The following HMCN1 variants were observed in gnomAD, a reference collection of about 807,000 sequenced individuals.
The protein encoded by HMCN1 is hemicentin-1.
HMCN1 carries 321 observed loss-of-function variants against 625.9 expected under a neutral mutation model. The ratio of observed to expected loss-of-function variants is 0.51; its 90% confidence interval spans 0.47 to 0.56. The LOEUF is 0.56. Ranked by LOEUF, HMCN1 falls within the 20% of genes least tolerant of loss-of-function variation. The probability of loss-of-function intolerance (pLI) is 0.00; values close to 1 mark genes in which losing one functional copy is unlikely to be tolerated. For synonymous variants in HMCN1, 2,425 were observed against 2,417.6 expected, an observed-to-expected ratio of 1.00 and a Z score of -0.09; for missense variants, 6,588 against 6,887.3, an observed-to-expected ratio of 0.96 and a Z score of 1.54.
At chr1:185,806,287 C>T (rs1571379791) in intron 1 of HMCN1, among the ~76,000 whole-genome samples, 1 of 152,008 alleles carries the variant, frequency 6.6e-6, no homozygotes, top group African/African-American at 2.4e-5. Context: ...GACTCTGGAG[C>T]CCACATTCTT....
Position 186,081,425 on chromosome 1 carries a change from G to C in HMCN1, c.8787+31G>C, listed in dbSNP as rs773404357. On this transcript the variant is annotated intron_variant, in intron 56 of 106. Coordinates refer to ENST00000271588, the MANE Select transcript of HMCN1 (RefSeq NM_031935.3). ...AGTAAAGAAAGATCTAATTTTAAAA[G>C]AGCTATTTGACTTTGCACTTTGTAA... 4 of 1,509,964 alleles carry C rather than the reference G, an allele frequency of 2.6e-6. No individual in the cohort carries two copies. The South Asian group carries it at 4.5e-5, about 17-fold the overall frequency. The allele number at this position is 1,509,964 out of a possible 1,614,324, so 93.5% of individuals were successfully genotyped here. A position where few individuals can be genotyped will look rare whatever the true frequency, so the allele number is the denominator to read the frequency against.
At chr1:185,830,033 C>T (rs770303762) in intron 1 of HMCN1, among the ~76,000 whole-genome samples, 1 of 152,134 alleles carries the variant, frequency 6.6e-6, no homozygotes, top group Non-Finnish European at 1.5e-5. Context: ...TTTTTGGCTG[C>T]ATAAATGTCT....
intron 11 of HMCN1, among the ~76,000 whole-genome samples, chr1:185,948,641 T>G (rs1453178394): frequency 2.3e-4 from 33 of 146,504 alleles, no homozygotes; most frequent in African/African-American, 7.9e-4. Context: ...CACTTCTTTT[T>G]TGATTCTTCA....
At chr1:185,831,383 A>G (rs1558002030) in intron 1 of HMCN1, among the ~76,000 whole-genome samples, 1 of 152,192 alleles carries the variant, frequency 6.6e-6, no homozygotes, top group Admixed American at 6.5e-5. Flanking sequence ...CAGGGAATAG[A>G]TATATATTTT....
chr1:185,990,456 G>T lies in HMCN1; in HGVS notation c.3377+13G>T. The T allele has an allele frequency of 6.2e-7, 1 of 1,612,760 alleles. No homozygotes were observed. The highest frequency in any genetic ancestry group is 8.5e-7 in the Non-Finnish European group (1 of 1,178,902). ...CGTTCTCTCCAAGGTAGGAGATCTG[G>T]GATGAATTGCAACACATGAAAACAT... is the stretch of plus-strand genomic sequence containing the variant. On this transcript the variant is annotated intron_variant, in intron 22 of 106. Coordinates refer to ENST00000271588, the MANE Select transcript of HMCN1 (RefSeq NM_031935.3).
chr1:186,063,475 AAGGAAGGAAG>A (rs1287940553), intron 48 of HMCN1, among the ~76,000 whole-genome samples: 1 of 139,722 alleles, frequency 7.2e-6, no homozygotes. Context: ...GGAAGGAAGG[AAGGAAGGAAG>A]GAAGGAAGGA....
At chr1:185,954,768 C>G (rs1208822201) in intron 11 of HMCN1, among the ~76,000 whole-genome samples, 1 of 152,110 alleles carries the variant, frequency 6.6e-6, no homozygotes, top group Non-Finnish European at 1.5e-5. Context: ...TCATACCTTA[C>G]TTCTCTCTCT....
At chr1:185,824,110 T>C (rs1287877811) in intron 1 of HMCN1, among the ~76,000 whole-genome samples, 2 of 152,190 alleles carry the variant, frequency 1.3e-5, no homozygotes, top group East Asian at 1.9e-4. Context: ...AACTCACATG[T>C]CCTGAGTACT....
Position 186,172,096 on chromosome 1 carries a change from A to G in HMCN1, c.15779A>G (p.Asn5260Ser). ...GGYKCIDLCP[N>S]GMTKAENGTC... ...TATAAGTGCATTGATCTTTGTCCAA[A>G]TGGAATGACCAAGGCAGAAAATGGA... Residue 5260 changes from asparagine to serine, a missense_variant, in exon 102 of 107, where the codon AAT becomes AGT. Asn to Ser is a conservative substitution (Grantham distance 46). Coordinates refer to ENST00000271588, the MANE Select transcript of HMCN1 (RefSeq NM_031935.3). 1.2e-6 allele frequency: 2 copies of G among 1,613,878 alleles called. No homozygotes were observed. Among genetic ancestry groups the G allele is most frequent in the African/African-American group, 1.3e-5 (1 of 75,030 alleles).
At chr1:185,883,879 A>ATTTTT (rs1205211897) in intron 4 of HMCN1, among the ~76,000 whole-genome samples, 2 of 55,932 alleles carry the variant, frequency 3.6e-5, no homozygotes, top group South Asian at 6.8e-4. Context: ...ATAGGTCATG[A>ATTTTT]TTTTTTTTTT....
chr1:185,799,133 G>T (rs536877311), intron 1 of HMCN1, among the ~76,000 whole-genome samples: 1 of 152,142 alleles, frequency 6.6e-6, no homozygotes, highest in Non-Finnish European at 1.5e-5. Context: ...TATCGTATAA[G>T]TTCCTTGGTT....
intron 20 of HMCN1, 96 bp from the exon 21 acceptor site, chr1:185,989,392 T>A: frequency 7.0e-7 from 1 of 1,432,474 alleles, no homozygotes; most frequent in Admixed American, 1.7e-5. Flanking sequence ...GAGATGTTTT[T>A]TTCTCTCTAT....
At chr1:185,978,008 C>T (rs760873546) in intron 16 of HMCN1, 27 bp downstream of exon 16, 100 of 1,472,028 alleles carry the variant, frequency 6.8e-5, no homozygotes, top group Admixed American at 1.0e-4. Flanking sequence ...ATATTTTGTA[C>T]GAATATGTAC....
At chr1:186,018,974 A>T (rs1463375895) in intron 34 of HMCN1, among the ~76,000 whole-genome samples, 1 of 152,080 alleles carries the variant, frequency 6.6e-6, no homozygotes, top group Non-Finnish European at 1.5e-5. Flanking sequence ...CACAAGGAGT[A>T]TCTATGAATG....
chr1:185,830,831 C>A (rs1245959520), intron 1 of HMCN1, among the ~76,000 whole-genome samples: 1 of 151,448 alleles, frequency 6.6e-6, no homozygotes, highest in Non-Finnish European at 1.5e-5. Context: ...GAGGTTGCAG[C>A]GAACTGAGAT....
intron 67 of HMCN1, 94 bp downstream of exon 67, chr1:186,094,467 A>C: frequency 1.1e-6 from 1 of 869,804 alleles, no homozygotes; most frequent in Non-Finnish European, 1.9e-6. Flanking sequence ...AGATTTAGAA[A>C]TCTGACTTTA....
intron 1 of HMCN1, among the ~76,000 whole-genome samples, chr1:185,794,481 A>G (rs1658224657): frequency 6.6e-6 from 1 of 151,658 alleles, no homozygotes; most frequent in Non-Finnish European, 1.5e-5. Flanking sequence ...AGTCCAAAAA[A>G]GAAAAAAAAG....
At chr1:186,056,160 T>A (rs1657305221) in intron 45 of HMCN1, among the ~76,000 whole-genome samples, 2 of 152,014 alleles carry the variant, frequency 1.3e-5, no homozygotes, top group Admixed American at 1.3e-4. Flanking sequence ...ATGACTTAGA[T>A]GTGTACAATT....
At chr1:186,058,232 T>C (rs929631462) in intron 46 of HMCN1, among the ~76,000 whole-genome samples, 5 of 151,992 alleles carry the variant, frequency 3.3e-5, no homozygotes, top group African/African-American at 7.2e-5. Flanking sequence ...TATGAACTTA[T>C]GGTGAAGTAT....
Sources: allele counts gnomAD v4.1 joint callset (sites outside exome capture counted in the v4.1 genomes callset), GRCh38; gene constraint gnomAD v4.1.1; transcripts MANE v1.5; gene names NCBI Gene and HGNC (gene_info 2026-07-23, HGNC 2026-07-21).